TLL2: variants seen among roughly 807,000 people sequenced by gnomAD.
The protein encoded by TLL2 is tolloid-like protein 2.
A neutral mutation model predicts 123.0 loss-of-function variants in TLL2; 106 were observed. That is an observed-to-expected ratio of 0.86 (90% CI 0.74 to 1.01). The LOEUF is 1.01. Among genes scored for constraint, TLL2 ranks in the 50% least tolerant of loss-of-function variants. The pLI, the probability that TLL2 is intolerant of heterozygous loss-of-function variation, is 0.00. For synonymous variants in TLL2, 494 were observed against 516.8 expected, an observed-to-expected ratio of 0.96 and a Z score of 0.60; for missense variants, 1,332 against 1,336.7, an observed-to-expected ratio of 1.00 and a Z score of 0.06.
rs1391695049 is a variant in TLL2 at position 96,428,612 on chromosome 10, C to CTCGCTT, written c.638+13_638+18dup. ...ATCCGACTGATTCTGCAGAGGTGGC[C>CTCGCTT]TCGCTTTCGTTTACTTACCCACAGG... is the stretch of plus-strand genomic sequence containing the variant. On this transcript the variant is annotated intron_variant, in intron 5 of 20. Transcript: ENST00000357947. The CTCGCTT allele has an allele frequency of 6.5e-7, 1 of 1,549,798 alleles. No homozygotes were observed. Among genetic ancestry groups the CTCGCTT allele is most frequent in the South Asian group, 1.1e-5 (1 of 89,042 alleles).
chr10:96,513,487 G>T, intron 1 of TLL2, 24 bp downstream of exon 1: 1 of 1,611,514 alleles, frequency 6.2e-7, no homozygotes. Context: ...ACTTCTGCGG[G>T]ACTTCCCCAG....
chr10:96,399,674 G>A (rs541233647), intron 10 of TLL2, among the ~76,000 whole-genome samples: 21 of 152,322 alleles, frequency 1.4e-4, no homozygotes, highest in Non-Finnish European at 1.6e-4. Context: ...GGCAAGCCTG[G>A]GGAAGTACTG....
At chr10:96,380,266 C>G (rs1289649173) in intron 16 of TLL2, among the ~76,000 whole-genome samples, 1 of 152,158 alleles carries the variant, frequency 6.6e-6, no homozygotes, top group East Asian at 1.9e-4. Flanking sequence ...AGATCAGCCT[C>G]CCTCCCCTGC....
intron 9 of TLL2, among the ~76,000 whole-genome samples, chr10:96,409,007 A>G (rs1846476342): frequency 6.6e-6 from 1 of 152,232 alleles, no homozygotes; most frequent in Non-Finnish European, 1.5e-5. Context: ...AAATGCTCAC[A>G]ATGGTTCCTA....
At chr10:96,438,328 A>C (rs1279494187) in intron 3 of TLL2, among the ~76,000 whole-genome samples, 1 of 152,084 alleles carries the variant, frequency 6.6e-6, no homozygotes, top group Non-Finnish European at 1.5e-5. Context: ...TCCTGTACGA[A>C]TTTTGTTAAC....
chr10:96,406,603 A>T (rs1283645114), intron 9 of TLL2, among the ~76,000 whole-genome samples: 8 of 152,034 alleles, frequency 5.3e-5, no homozygotes, highest in African/African-American at 1.7e-4. Context: ...AAAGGTTCCC[A>T]TTCCCTCCCC....
Position 96,422,701 on chromosome 10 carries a change from C to T in TLL2, c.665G>A (p.Gly222Glu). The stretch of plus-strand genomic sequence containing the variant: ...AATGGATATGGCCTGTGGGCCTCCT[C>T]CTCGGCGCCCAACATAGGAGCAACA... ...CGCCSYVGRR[G>E]GGPQAISIGK... The change falls in exon 6 of 21, where the codon GGA (glycine) becomes GAA (glutamate). Residue 222 changes from glycine (G) to glutamate (E), a missense_variant. Gly to Glu is a moderately conservative substitution (Grantham distance 98, BLOSUM62 -2). Transcript: ENST00000357947. The T allele has an allele frequency of 1.2e-6, 2 of 1,614,212 alleles. No homozygotes were observed. Among genetic ancestry groups the T allele is most frequent in the South Asian group, 2.2e-5 (2 of 91,078 alleles).
chr10:96,443,469 GT>G (rs910939190), intron 3 of TLL2, among the ~76,000 whole-genome samples: 11 of 152,242 alleles, frequency 7.2e-5, no homozygotes, highest in African/African-American at 2.4e-4. Context: ...TGTAGCTAAA[GT>G]TTTTTTGGAC....
At chr10:96,470,876 TGG>T in intron 2 of TLL2, among the ~76,000 whole-genome samples, 1 of 152,206 alleles carries the variant, frequency 6.6e-6, no homozygotes, top group African/African-American at 2.4e-5. Flanking sequence ...ACATAACAAA[TGG>T]TACTTGTTCT....
At chr10:96,494,782 G>C (rs903757669) in intron 1 of TLL2, among the ~76,000 whole-genome samples, 2 of 152,212 alleles carry the variant, frequency 1.3e-5, no homozygotes, top group African/African-American at 4.8e-5. Flanking sequence ...AGCTGAACCA[G>C]CTCAGTGTTT....
At chr10:96,488,090 T>C (rs2134107909) in intron 1 of TLL2, among the ~76,000 whole-genome samples, 1 of 152,274 alleles carries the variant, frequency 6.6e-6, no homozygotes, top group South Asian at 2.1e-4. Context: ...ATCTTCCACA[T>C]GGGGTTGTTG....
Position 96,432,673 on chromosome 10 carries a change from G to T in TLL2, c.520+134C>A, listed in dbSNP as rs1358329774. 7.1e-6 allele frequency: 8 copies of T among 1,129,712 alleles called. No homozygotes were observed. The South Asian group carries it at 8.6e-5, about 12-fold the overall frequency. The allele number at this position is 1,129,712 out of a possible 1,614,324, so 70.0% of individuals were successfully genotyped here. ...TGGGCCAGGACTTGCCGGCAAGAGG[G>T]GGGCATCATCTGTAGGCCTGCTGTG... On this transcript the variant is annotated intron_variant, in intron 4 of 20. Coordinates refer to ENST00000357947, the MANE Select transcript of TLL2 (RefSeq NM_012465.4).
intron 2 of TLL2, among the ~76,000 whole-genome samples, chr10:96,474,219 C>T (rs1342581544): frequency 6.6e-6 from 1 of 152,158 alleles, no homozygotes. Context: ...TGCCCCCACA[C>T]ACATCCAAAA....
chr10:96,455,001 G>C (rs574806393), intron 2 of TLL2, among the ~76,000 whole-genome samples: 6 of 152,138 alleles, frequency 3.9e-5, no homozygotes, highest in Non-Finnish European at 5.9e-5. Context: ...TGTTCCCCAG[G>C]CATGGTATTT....
intron 1 of TLL2, among the ~76,000 whole-genome samples, chr10:96,484,225 A>G (rs1434358937): frequency 6.6e-6 from 1 of 152,160 alleles, no homozygotes; most frequent in African/African-American, 2.4e-5. Flanking sequence ...GACCCAGCAC[A>G]TGGTTTGCCA....
intron 19 of TLL2, among the ~76,000 whole-genome samples, chr10:96,371,688 C>A (rs569167135): frequency 1.3e-5 from 2 of 152,340 alleles, no homozygotes; most frequent in Admixed American, 1.3e-4. Context: ...CCCCTCCATC[C>A]GGCCGGACGC....
chr10:96,393,139 T>C (rs900153666), intron 13 of TLL2, among the ~76,000 whole-genome samples: 1 of 152,210 alleles, frequency 6.6e-6, no homozygotes, highest in African/African-American at 2.4e-5. Context: ...CAAGAAGGAA[T>C]GCAGCCCTGC....
chr10:96,372,917 T>A (rs1846097701), intron 19 of TLL2, among the ~76,000 whole-genome samples: 1 of 152,170 alleles, frequency 6.6e-6, no homozygotes, highest in Admixed American at 6.5e-5. Flanking sequence ...CTTGAACTCC[T>A]GGGCTCAAGC....
intron 4 of TLL2, among the ~76,000 whole-genome samples, chr10:96,429,631 G>C (rs924667072): frequency 6.5e-4 from 99 of 152,206 alleles, no homozygotes; most frequent in African/African-American, 2.3e-3. Flanking sequence ...AAGTAGGGGG[G>C]AGTCAACTCC....
Sources: allele counts gnomAD v4.1 joint callset (sites outside exome capture counted in the v4.1 genomes callset), GRCh38; gene constraint gnomAD v4.1.1; transcripts MANE v1.5; gene names NCBI Gene and HGNC (gene_info 2026-07-23, HGNC 2026-07-21).